The following RAB15 variants were observed in gnomAD, a reference collection of about 807,000 sequenced individuals.
RAB15 encodes the protein RAB15, member RAS oncogene family.
RAB15 carries 13 observed loss-of-function variants against 31.8 expected under a neutral mutation model. The observed-to-expected ratio is 0.41, with a 90% CI of 0.27 to 0.65. The LOEUF is 0.65. Ranked by LOEUF, RAB15 falls within the 30% of genes least tolerant of loss-of-function variation. RAB15 has a pLI of 0.32. For missense variants in RAB15, 220 were observed against 277.3 expected (o/e 0.79, Z 1.47); for synonymous variants, 100 against 105.6 (o/e 0.95, Z 0.33).
chr14:64,970,507 C>T lies in RAB15; in HGVS notation c.124+1446G>A, dbSNP rs1179603328. ...GAGAAAGACGGACAAGTTCTGTTCC[C>T]TGACCCTAAGTCCTGTTGTTTCACC... On this transcript the variant is annotated intron_variant, in intron 1 of 6. Transcript: ENST00000533601. This position sits in a 1 kb window ranked among gnomAD's most constrained non-coding sequence, Gnocchi z 4.1. 6.6e-6 allele frequency among the ~76,000 whole-genome samples: 1 copy of T among 152,228 alleles called. No individual in the cohort carries two copies. Among genetic ancestry groups the T allele is most frequent in the East Asian group, 1.9e-4 (1 of 5,202 alleles).
Position 64,953,448 on chromosome 14 carries a change from G to A in RAB15, c.125-877C>T, listed in dbSNP as rs974611819. On this transcript the variant is annotated intron_variant, in intron 1 of 6. Coordinates refer to ENST00000533601, the MANE Select transcript of RAB15 (RefSeq NM_001308154.2). The surrounding 1 kb of genome is among the most constrained non-coding windows in gnomAD (Gnocchi z 4.6). ...GGGTGCTTATGAGTGACTGTCATAG[G>A]ACCAGATGAAGAGGCAGTGGCATGG... Among the ~76,000 whole-genome samples, 4 of 152,164 alleles carry A rather than the reference G, an allele frequency of 2.6e-5. No individual in the cohort carries two copies. Among genetic ancestry groups the A allele is most frequent in the African/African-American group, 9.7e-5 (4 of 41,440 alleles).
At position 64,951,035 on chromosome 14, in the gene RAB15, A is replaced by G. The variant is rs1448011692; in HGVS notation, c.324+39T>C. ...CTCGCCTTGCCTTCCCCGGTGAGGC[A>G]CCCTCTCCACACCCCGGCAGTGAGG... is the stretch of plus-strand genomic sequence containing the variant. On this transcript the variant is annotated intron_variant, in intron 4 of 6. Coordinates refer to ENST00000533601, the MANE Select transcript of RAB15 (RefSeq NM_001308154.2). The surrounding 1 kb of genome is among the most constrained non-coding windows in gnomAD (Gnocchi z 7.2). 2.5e-6 allele frequency: 4 copies of G among 1,613,294 alleles called. No homozygotes were observed. Among genetic ancestry groups the G allele is most frequent in the Non-Finnish European group, 3.4e-6 (4 of 1,179,906 alleles).
chr14:64,952,571 C>T lies in RAB15; in HGVS notation c.125G>A (p.Gly42Asp). Residue 42 changes from glycine to aspartate, a missense_variant and splice_region_variant, in exon 2 of 7, where the codon GGT (glycine) becomes GAT (aspartate). Gly to Asp is a moderately conservative substitution (Grantham distance 94). Transcript: ENST00000533601. This position sits in a 1 kb window ranked among gnomAD's most constrained non-coding sequence, Gnocchi z 4.2. Reference protein sequence around the residue: ...EFHSSHISTIGVDFKMKTIEV... With the variant: ...EFHSSHISTIDVDFKMKTIEV... ...TATGGTCTTCATCTTAAAGTCAACA[C>T]CTGAAGAAAGGAAGAAAGAAAGAAA... 1 of 1,609,024 alleles carries T rather than the reference C, an allele frequency of 6.2e-7. No individual in the cohort carries two copies. The highest frequency in any genetic ancestry group is 8.5e-7 in the Non-Finnish European group (1 of 1,176,054).
rs929172179 is a variant in RAB15 at position 64,958,593 on chromosome 14, G to C, written c.125-6022C>G. 2.6e-5 allele frequency among the ~76,000 whole-genome samples: 4 copies of C among 152,078 alleles called. No homozygotes were observed. The highest frequency in any genetic ancestry group is 5.9e-5 in the Non-Finnish European group (4 of 68,016). Reference sequence around the variant, plus strand: ...TAGCCTATTTTCTCCTTCCTCCTTGGCATGGTTCATGATTCCAGTAAGTCC... The same window carrying C: ...TAGCCTATTTTCTCCTTCCTCCTTGCCATGGTTCATGATTCCAGTAAGTCC... On this transcript the variant is annotated intron_variant, in intron 1 of 6. Coordinates refer to ENST00000533601, the MANE Select transcript of RAB15 (RefSeq NM_001308154.2). This position sits in a 1 kb window ranked among gnomAD's most constrained non-coding sequence, Gnocchi z 4.4.
Position 64,971,148 on chromosome 14 carries a change from C to G in RAB15, c.124+805G>C, listed in dbSNP as rs1251117216. Among the ~76,000 whole-genome samples the G allele has an allele frequency of 6.6e-6, 1 of 152,170 alleles. No homozygotes were observed. Among genetic ancestry groups the G allele is most frequent in the African/African-American group, 2.4e-5 (1 of 41,446 alleles). ...CCTAGAAGCGGGAGACTGACTGTCTCAGAGGGGAGGCCATGGACCCATTCC... is the reference window on the plus strand; with the variant it reads ...CCTAGAAGCGGGAGACTGACTGTCTGAGAGGGGAGGCCATGGACCCATTCC... On this transcript the variant is annotated intron_variant, in intron 1 of 6. Coordinates refer to ENST00000533601, the MANE Select transcript of RAB15 (RefSeq NM_001308154.2). The surrounding 1 kb of genome is among the most constrained non-coding windows in gnomAD (Gnocchi z 4.1).
In RAB15 at chr14:64,952,575, A is replaced by G. The variant is rs45454295; in HGVS notation, c.125-4T>C. On this transcript the variant is annotated splice_polypyrimidine_tract_variant and splice_region_variant and intron_variant, in intron 1 of 6. Coordinates refer to ENST00000533601, the MANE Select transcript of RAB15 (RefSeq NM_001308154.2). The surrounding 1 kb of genome is among the most constrained non-coding windows in gnomAD (Gnocchi z 4.2). ...GTCTTCATCTTAAAGTCAACACCTG[A>G]AGAAAGGAAGAAAGAAAGAAAGTTA... 0.28 allele frequency: 453,375 copies of G among 1,599,322 alleles called. 68,855 individuals carry two copies. The highest frequency in any genetic ancestry group is 0.63 in the East Asian group (28,067 of 44,728).
intron 1 of RAB15, among the ~76,000 whole-genome samples, chr14:64,967,225 G>A (rs1276199181): frequency 3.9e-5 from 6 of 152,124 alleles, no homozygotes; most frequent in African/African-American, 1.4e-4. Flanking sequence ...CTGGAGGGTG[G>A]CTTTCAAAAC....
Position 64,951,506 on chromosome 14 carries a change from GTATT to G in RAB15, c.246+93_246+96del. ...CTGCGCTCCTCCAAGCAGGCGAACT[GTATT>G]TAGGGGATCCGTGGCACAGACATCT... On this transcript the variant is annotated intron_variant, in intron 3 of 6. Coordinates refer to ENST00000533601, the MANE Select transcript of RAB15 (RefSeq NM_001308154.2). The surrounding 1 kb of genome is among the most constrained non-coding windows in gnomAD (Gnocchi z 7.2). 1.8e-6 allele frequency: 2 copies of G among 1,128,842 alleles called. No homozygotes were observed. Among genetic ancestry groups the G allele is most frequent in the Non-Finnish European group, 2.7e-6 (2 of 736,480 alleles). 69.9% of individuals were successfully genotyped at this position (1,128,842 alleles called of 1,614,324 possible). A position where few individuals can be genotyped will look rare whatever the true frequency, so the allele number is the denominator to read the frequency against.
Position 64,953,617 on chromosome 14 carries a change from A to T in RAB15, c.125-1046T>A, listed in dbSNP as rs543735856. 2.0e-5 allele frequency among the ~76,000 whole-genome samples: 3 copies of T among 152,306 alleles called. No individual in the cohort carries two copies. Among genetic ancestry groups the T allele is most frequent in the African/African-American group, 7.2e-5 (3 of 41,552 alleles). On this transcript the variant is annotated intron_variant, in intron 1 of 6. Coordinates refer to ENST00000533601, the MANE Select transcript of RAB15 (RefSeq NM_001308154.2). This position sits in a 1 kb window ranked among gnomAD's most constrained non-coding sequence, Gnocchi z 4.6. Reference sequence around the variant, plus strand: ...TGCAGGGCAGAAACATATTGGAGAAATCTGCAGCAAGAGAAGTCAGCACCA... The same window carrying T: ...TGCAGGGCAGAAACATATTGGAGAATTCTGCAGCAAGAGAAGTCAGCACCA...
rs1180934316 is a variant in RAB15 at position 64,970,634 on chromosome 14, G to T, written c.124+1319C>A. 6.6e-6 allele frequency among the ~76,000 whole-genome samples: 1 copy of T among 152,198 alleles called. No homozygotes were observed. The highest frequency in any genetic ancestry group is 1.9e-4 in the East Asian group (1 of 5,204). ...TTTATCGAGCTTCACCATGTGTCTG[G>T]CTGTGCTAAGCACTTAACAATCGTT... On this transcript the variant is annotated intron_variant, in intron 1 of 6. Transcript: ENST00000533601. This position sits in a 1 kb window ranked among gnomAD's most constrained non-coding sequence, Gnocchi z 4.1.
Position 64,951,012 on chromosome 14 carries a change from C to T in RAB15, c.324+62G>A, listed in dbSNP as rs758447759. On this transcript the variant is annotated intron_variant, in intron 4 of 6. Transcript: ENST00000533601. This position sits in a 1 kb window ranked among gnomAD's most constrained non-coding sequence, Gnocchi z 7.2. ...AGCATTTGCCTTCCCATCTGGCCCT[C>T]GCCTTGCCTTCCCCGGTGAGGCACC... The T allele has an allele frequency of 1.1e-5, 18 of 1,613,960 alleles. No individual in the cohort carries two copies. The Admixed American group carries it at 1.5e-4, about 13-fold the overall frequency.
chr14:64,949,119 A>T (rs570700921), intron 5 of RAB15, among the ~76,000 whole-genome samples: 2 of 152,164 alleles, frequency 1.3e-5, no homozygotes, highest in Non-Finnish European at 1.5e-5. Context: ...CAAGTTGTAC[A>T]TTCTCTGTAA....
At chr14:64,963,357 C>G (rs1298165460) in intron 1 of RAB15, among the ~76,000 whole-genome samples, 1 of 152,056 alleles carries the variant, frequency 6.6e-6, no homozygotes, top group Non-Finnish European at 1.5e-5. Flanking sequence ...GCTTTTCCCA[C>G]TGCCTTGTGC....
Position 64,950,492 on chromosome 14 carries a change from T to C in RAB15, c.325-78A>G. 8.4e-7 allele frequency: 1 copy of C among 1,184,038 alleles called. No homozygotes were observed. Among genetic ancestry groups the C allele is most frequent in the African/African-American group, 1.5e-5 (1 of 66,546 alleles). 73.3% of individuals were successfully genotyped at this position (1,184,038 alleles called of 1,614,324 possible). A position where few individuals can be genotyped will look rare whatever the true frequency, so the allele number is the denominator to read the frequency against. ...TTTTCCCTACAGAGTCTGCACTGCC[T>C]CCAGCCCACCACCAATTCCAGAGCC... is the stretch of plus-strand genomic sequence containing the variant. On this transcript the variant is annotated intron_variant, in intron 4 of 6. Transcript: ENST00000533601. This position sits in a 1 kb window ranked among gnomAD's most constrained non-coding sequence, Gnocchi z 5.6.
chr14:64,962,003 T>A lies in RAB15; in HGVS notation c.125-9432A>T, dbSNP rs1387069788. Among the ~76,000 whole-genome samples the A allele has an allele frequency of 4.0e-5, 6 of 151,060 alleles. No individual in the cohort carries two copies. The highest frequency in any genetic ancestry group is 1.3e-4 in the Admixed American group (2 of 15,182). ...GCAGAGGCAGGCAGGTCACCTGAGG[T>A]CAGGAGTTCAAGACCAGCCTGGCCA... On this transcript the variant is annotated intron_variant, in intron 1 of 6. Coordinates refer to ENST00000533601, the MANE Select transcript of RAB15 (RefSeq NM_001308154.2). The surrounding 1 kb of genome is among the most constrained non-coding windows in gnomAD (Gnocchi z 4.2).
In RAB15 at chr14:64,958,413, C is replaced by T. The variant is rs940582265; in HGVS notation, c.125-5842G>A. On this transcript the variant is annotated intron_variant, in intron 1 of 6. Coordinates refer to ENST00000533601, the MANE Select transcript of RAB15 (RefSeq NM_001308154.2). This position sits in a 1 kb window ranked among gnomAD's most constrained non-coding sequence, Gnocchi z 4.4. ...GAGCTAGAAGGTGCCACCTTTGTCACAGAGCATCAGCCTTCACCAGACACT... is the reference window on the plus strand; with the variant it reads ...GAGCTAGAAGGTGCCACCTTTGTCATAGAGCATCAGCCTTCACCAGACACT... 2.0e-5 allele frequency among the ~76,000 whole-genome samples: 3 copies of T among 152,186 alleles called. No individual in the cohort carries two copies. The highest frequency in any genetic ancestry group is 7.2e-5 in the African/African-American group (3 of 41,446).
rs923589604 is a variant in RAB15, at chr14:64,970,708, A to G, written c.124+1245T>C. Among the ~76,000 whole-genome samples, 3 of 152,212 alleles carry G rather than the reference A, an allele frequency of 2.0e-5. No homozygotes were observed. The highest frequency in any genetic ancestry group is 2.9e-5 in the Non-Finnish European group (2 of 68,042). ...CTTGGCAGGTAGGTGCAATTATTAT[A>G]CCCGTTCTACAGATGAGAAACTAAA... On this transcript the variant is annotated intron_variant, in intron 1 of 6. Coordinates refer to ENST00000533601, the MANE Select transcript of RAB15 (RefSeq NM_001308154.2). This position sits in a 1 kb window ranked among gnomAD's most constrained non-coding sequence, Gnocchi z 4.1.
rs10121 is a variant in RAB15, at chr14:64,946,055, G to A, written c.*2299C>T. 9,280 of 152,632 alleles carry A rather than the reference G, an allele frequency of 0.061. 344 individuals carry two copies. Among genetic ancestry groups the A allele is most frequent in the Middle Eastern group, 0.088 (26 of 294 alleles). The allele number at this position is 152,632 out of a possible 1,614,324, so 9.5% of individuals were successfully genotyped here. On this transcript the variant is annotated 3_prime_UTR_variant, in exon 7 of 7. Coordinates refer to ENST00000533601, the MANE Select transcript of RAB15 (RefSeq NM_001308154.2). ...GTTAACAGTCTGGGCCTCAAGACAT[G>A]CCCCAGGCCACCAAAAGTTTAGGGT... is the stretch of plus-strand genomic sequence containing the variant.
rs1886386074 is a variant in RAB15 at position 64,953,636 on chromosome 14, A to G, written c.125-1065T>C. On this transcript the variant is annotated intron_variant, in intron 1 of 6. Coordinates refer to ENST00000533601, the MANE Select transcript of RAB15 (RefSeq NM_001308154.2). This position sits in a 1 kb window ranked among gnomAD's most constrained non-coding sequence, Gnocchi z 4.6. The stretch of plus-strand genomic sequence containing the variant: ...GGAGAAATCTGCAGCAAGAGAAGTC[A>G]GCACCACCAGCAGCAGCCAGCTTGA... Among the ~76,000 whole-genome samples the G allele has an allele frequency of 6.6e-6, 1 of 152,240 alleles. No individual in the cohort carries two copies. The highest frequency in any genetic ancestry group is 1.5e-5 in the Non-Finnish European group (1 of 68,036).
Sources: allele counts gnomAD v4.1 joint callset (sites outside exome capture counted in the v4.1 genomes callset), GRCh38; gene constraint gnomAD v4.1.1; non-coding constraint Gnocchi (gnomAD v3.1); transcripts MANE v1.5; gene names NCBI Gene and HGNC (gene_info 2026-07-23, HGNC 2026-07-21).